Variants in DIAPH2 observed in about 807,000 individuals in gnomAD.
DIAPH2 encodes the protein diaphanous related formin 2.
Under a neutral mutation model 92.7 loss-of-function variants are expected in DIAPH2, and 35 were observed. The observed-to-expected ratio is 0.38, with a 90% CI of 0.29 to 0.50. DIAPH2 has a LOEUF of 0.50. DIAPH2 is among the 20% of genes least tolerant of loss of function. The pLI, the probability that DIAPH2 is intolerant of heterozygous loss-of-function variation, is 0.94. For synonymous variants in DIAPH2, 301 were observed against 280.4 expected, an observed-to-expected ratio of 1.07 and a Z score of -0.73; for missense variants, 701 against 819.5, an observed-to-expected ratio of 0.86 and a Z score of 1.77.
At chrX:97,375,435 G>A (rs190612793) in intron 24 of DIAPH2, among the ~76,000 whole-genome samples, 1,127 of 110,741 alleles carry the variant, frequency 0.01, 2 homozygotes, top group Non-Finnish European at 0.017. Flanking sequence ...CAGCCAGGGC[G>A]ACAAGAGCAC....
chrX:97,081,259 AT>A (rs201411563), intron 19 of DIAPH2, among the ~76,000 whole-genome samples: 55 of 109,966 alleles, frequency 5.0e-4, no homozygotes, highest in African/African-American at 6.9e-4. Flanking sequence ...GTGATTAAAA[AT>A]TTTTTTTTGT....
intron 21 of DIAPH2, among the ~76,000 whole-genome samples, chrX:97,139,029 A>G (rs756760443): frequency 9.0e-6 from 1 of 111,366 alleles, no homozygotes; most frequent in African/African-American, 3.2e-5. Context: ...ACTAACTCAA[A>G]CATTTTGGAA....
intron 22 of DIAPH2, among the ~76,000 whole-genome samples, chrX:97,241,493 T>A (rs2068093595): frequency 9.1e-6 from 1 of 110,134 alleles, no homozygotes. Context: ...AGAGATGGGG[T>A]TTCACCATGT....
intron 24 of DIAPH2, among the ~76,000 whole-genome samples, chrX:97,351,350 G>A (rs763021080): frequency 1.8e-5 from 2 of 112,236 alleles, no homozygotes; most frequent in South Asian, 3.7e-4. Flanking sequence ...AATGCTCTGG[G>A]TCACAGATAA....
chrX:97,194,491 A>G (rs11795497), intron 22 of DIAPH2, among the ~76,000 whole-genome samples: 38,899 of 108,725 alleles, frequency 0.36, 5,784 homozygotes, highest in South Asian at 0.46. Context: ...TCACTGTGTT[A>G]GCCAGGATGG....
At chrX:97,536,905 G>T in intron 26 of DIAPH2, among the ~76,000 whole-genome samples, 1 of 111,882 alleles carries the variant, frequency 8.9e-6, no homozygotes, top group East Asian at 2.8e-4. Flanking sequence ...GTACTGTAAG[G>T]GTTGAAAATA....
chrX:96,787,648 C>T (rs1252136843), intron 4 of DIAPH2, among the ~76,000 whole-genome samples: 1 of 107,026 alleles, frequency 9.3e-6, no homozygotes, highest in East Asian at 2.9e-4. Flanking sequence ...ATTCACCAAT[C>T]CCATTGTTGA....
intron 22 of DIAPH2, among the ~76,000 whole-genome samples, chrX:97,173,111 T>C (rs2067466053): frequency 1.8e-5 from 2 of 112,753 alleles, no homozygotes; most frequent in African/African-American, 6.4e-5. Flanking sequence ...AACATAATTA[T>C]GACTATGGGC....
intron 26 of DIAPH2, among the ~76,000 whole-genome samples, chrX:97,584,621 A>C (rs766420613): frequency 9.0e-6 from 1 of 111,619 alleles, no homozygotes; most frequent in African/African-American, 3.3e-5. Context: ...GATAGAATTC[A>C]GGGTCATCAG....
At chrX:96,800,147 G>A (rs1168257498) in intron 4 of DIAPH2, among the ~76,000 whole-genome samples, 2 of 111,640 alleles carry the variant, frequency 1.8e-5, no homozygotes, top group Non-Finnish European at 3.8e-5. Context: ...ATGCTCTTTT[G>A]CAGAATGAAA....
rs376470741 is a variant in DIAPH2, at chrX:96,735,796, G to C, written c.165+6G>C. On this transcript the variant is annotated splice_donor_region_variant and intron_variant, in intron 2 of 26. Coordinates refer to ENST00000324765, the MANE Select transcript of DIAPH2 (RefSeq NM_006729.5). ...AAACTTTGGCAGATGATGTGGTAAGGTGGTCTTAGCATGTTATTACATTAC... is the reference window on the plus strand; with the variant it reads ...AAACTTTGGCAGATGATGTGGTAAGCTGGTCTTAGCATGTTATTACATTAC... 3.8e-6 allele frequency: 4 copies of C among 1,045,065 alleles called. No individual in the cohort carries two copies. The African/African-American group carries it at 7.7e-5, about 20-fold the overall frequency. The allele number at this position is 1,045,065 out of a possible 1,213,427, so 86.1% of individuals were successfully genotyped here.
At position 97,032,556 on chromosome X, in the gene DIAPH2, G is replaced by A. The variant is rs1469642114; in HGVS notation, c.2051-40385G>A. Among the ~76,000 whole-genome samples the A allele has an allele frequency of 2.7e-5, 3 of 109,174 alleles. 1 individual carries two copies. Among genetic ancestry groups the A allele is most frequent in the African/African-American group, 1.0e-4 (3 of 30,026 alleles). The allele number at this position is 109,174 out of a possible 115,157, so 94.8% of individuals were successfully genotyped here. ...TTAATAATAATAGCCATTATCTGTA[G>A]GCTTTTTTCTATTCTAATTTCCCTA... On this transcript the variant is annotated intron_variant, in intron 17 of 26. Transcript: ENST00000324765.
chrX:96,978,705 A>T (rs5921034), intron 17 of DIAPH2, among the ~76,000 whole-genome samples: 1 of 110,391 alleles, frequency 9.1e-6, no homozygotes, highest in Non-Finnish European at 1.9e-5. Context: ...AATATCCCCA[A>T]ATTTAGCAAT....
At chrX:97,195,987 T>C (rs2067700226) in intron 22 of DIAPH2, among the ~76,000 whole-genome samples, 1 of 111,609 alleles carries the variant, frequency 9.0e-6, no homozygotes, top group Admixed American at 9.6e-5. Flanking sequence ...CCATTGTTTT[T>C]CAAAATAAAA....
intron 25 of DIAPH2, among the ~76,000 whole-genome samples, chrX:97,397,053 C>T (rs896868006): frequency 1.8e-5 from 2 of 111,486 alleles, no homozygotes; most frequent in African/African-American, 6.5e-5. Flanking sequence ...ACATGAACAA[C>T]CTATAAAGTA....
At chrX:97,340,695 G>A (rs1252677258) in intron 23 of DIAPH2, among the ~76,000 whole-genome samples, 4 of 98,787 alleles carry the variant, frequency 4.0e-5, no homozygotes, top group Admixed American at 3.5e-4. Context: ...TCGCTCTGTC[G>A]CTCAGGCTGG....
chrX:96,891,819 C>T lies in DIAPH2; in HGVS notation c.587+10101C>T, dbSNP rs139745199. Among the ~76,000 whole-genome samples, 419 of 111,826 alleles carry T rather than the reference C, an allele frequency of 3.7e-3. 1 individual carries two copies. Among genetic ancestry groups the T allele is most frequent in the African/African-American group, 0.013 (397 of 30,811 alleles). On this transcript the variant is annotated intron_variant, in intron 5 of 26. Transcript: ENST00000324765. ...ATCCACTTATCTGCCAAACTCATGG[C>T]ATAGTGTCTGTATTCACATCCTATG...
chrX:97,546,357 G>C (rs1463013551), intron 26 of DIAPH2, among the ~76,000 whole-genome samples: 2 of 111,516 alleles, frequency 1.8e-5, no homozygotes, highest in African/African-American at 6.5e-5. Flanking sequence ...TAGATTTAAA[G>C]TCCCTTAAAA....
In DIAPH2 at chrX:96,738,775, C is replaced by G. The variant is rs750953364; in HGVS notation, c.342+13C>G. ...TGAAAAAATGATGGTAAGTTATACCCCTAATTTTGATGTAATTTTAAAATG... is the reference window on the plus strand; with the variant it reads ...TGAAAAAATGATGGTAAGTTATACCGCTAATTTTGATGTAATTTTAAAATG... On this transcript the variant is annotated intron_variant, in intron 3 of 26. Coordinates refer to ENST00000324765, the MANE Select transcript of DIAPH2 (RefSeq NM_006729.5). 8.5e-7 allele frequency: 1 copy of G among 1,174,103 alleles called. No homozygotes were observed. The highest frequency in any genetic ancestry group is 1.8e-5 in the African/African-American group (1 of 55,970).
Sources: allele counts gnomAD v4.1 joint callset (sites outside exome capture counted in the v4.1 genomes callset), GRCh38; gene constraint gnomAD v4.1.1; transcripts MANE v1.5; gene names NCBI Gene and HGNC (gene_info 2026-07-23, HGNC 2026-07-21).